PPP4R3A: variants seen among roughly 807,000 people sequenced by gnomAD.
PPP4R3A encodes the protein protein phosphatase 4 regulatory subunit 3A.
Under a neutral mutation model 91.7 loss-of-function variants are expected in PPP4R3A, and 15 were observed. That is an observed-to-expected ratio of 0.16 (90% CI 0.11 to 0.25). The LOEUF (loss-of-function observed/expected upper bound fraction) is 0.25. Ranked by LOEUF, PPP4R3A falls within the 10% of genes least tolerant of loss-of-function variation. The pLI, the probability that PPP4R3A is intolerant of heterozygous loss-of-function variation, is 1.00. For missense variants in PPP4R3A, 623 were observed against 998.4 expected (o/e 0.62, Z 5.07); for synonymous variants, 377 against 348.7 (o/e 1.08, Z -0.91).
intron 1 of PPP4R3A, among the ~76,000 whole-genome samples, chr14:91,507,562 CTAT>C (rs1566660945): frequency 2.6e-4 from 14 of 54,714 alleles, no homozygotes; most frequent in African/African-American, 5.8e-4. Flanking sequence ...GTTATATATA[CTAT>C]ATATTATACA....
At chr14:91,470,793 C>T (rs747798196) in intron 10 of PPP4R3A, 44 bp downstream of exon 10, 2 of 1,581,292 alleles carry the variant, frequency 1.3e-6, no homozygotes, top group Non-Finnish European at 1.7e-6. Flanking sequence ...TAAAAAATAC[C>T]AACATGTCAA....
At position 91,458,578 on chromosome 14, in the gene PPP4R3A, T is replaced by C; in HGVS notation, c.*181A>G. 1 of 852,848 alleles carries C rather than the reference T, an allele frequency of 1.2e-6. No homozygotes were observed. The highest frequency in any genetic ancestry group is 2.0e-6 in the Non-Finnish European group (1 of 507,330). The allele number at this position is 852,848 out of a possible 1,614,324, so 52.8% of individuals were successfully genotyped here. On this transcript the variant is annotated 3_prime_UTR_variant, in exon 15 of 15. Transcript: ENST00000554943. Reference sequence around the variant, plus strand: ...AAGGCTTAAGTCTTTCCCCTAAATATATGATATCCCCTCCTCCTGCTCCAT... The same window carrying C: ...AAGGCTTAAGTCTTTCCCCTAAATACATGATATCCCCTCCTCCTGCTCCAT...
intron 4 of PPP4R3A, among the ~76,000 whole-genome samples, chr14:91,480,835 A>C (rs1889511197): frequency 6.6e-6 from 1 of 152,188 alleles, no homozygotes; most frequent in Non-Finnish European, 1.5e-5. Context: ...CAGGAGTTTG[A>C]GACCAGCCTG....
At position 91,494,669 on chromosome 14, in the gene PPP4R3A, C is replaced by A; in HGVS notation, c.143-3867G>T. On this transcript the variant is annotated intron_variant, in intron 1 of 14. Coordinates refer to ENST00000554943, the MANE Select transcript of PPP4R3A (RefSeq NM_001366432.2). ...CTTGAGGTCAGGAGTTCGAGACCAG[C>A]CTGGCCAAAATGGTGAAACCCCATC... 1.3e-5 allele frequency among the ~76,000 whole-genome samples: 2 copies of A among 152,128 alleles called. 1 individual carries two copies. Among genetic ancestry groups the A allele is most frequent in the East Asian group, 3.9e-4 (2 of 5,192 alleles).
At chr14:91,497,037 A>T (rs1247541752) in intron 1 of PPP4R3A, among the ~76,000 whole-genome samples, 3 of 152,152 alleles carry the variant, frequency 2.0e-5, no homozygotes, top group African/African-American at 7.2e-5. Flanking sequence ...TATCCTACTA[A>T]GGTATGGGTA....
At chr14:91,459,529 A>G (rs1887991399) in intron 14 of PPP4R3A, among the ~76,000 whole-genome samples, 1 of 152,216 alleles carries the variant, frequency 6.6e-6, no homozygotes, top group African/African-American at 2.4e-5. Flanking sequence ...TAAAGTCTAA[A>G]ATAGTATAAA....
In PPP4R3A at chr14:91,484,660, G is replaced by A. The variant is rs1313772902; in HGVS notation, c.297+972C>T. ...GACCCTACTTGCAGTTTTTGATCCAGTAGGTCTGGGGTCGGCGGGAGGGGT... is the reference window on the plus strand; with the variant it reads ...GACCCTACTTGCAGTTTTTGATCCAATAGGTCTGGGGTCGGCGGGAGGGGT... On this transcript the variant is annotated intron_variant, in intron 3 of 14. Transcript: ENST00000554943. Among the ~76,000 whole-genome samples, 7 of 152,186 alleles carry A rather than the reference G, an allele frequency of 4.6e-5. No homozygotes were observed. The East Asian group carries it at 1.3e-3, about 29-fold the overall frequency.
chr14:91,464,907 T>C (rs530121351), intron 11 of PPP4R3A, among the ~76,000 whole-genome samples: 1 of 152,332 alleles, frequency 6.6e-6, no homozygotes, highest in Non-Finnish European at 1.5e-5. Flanking sequence ...AAAGGGTTCA[T>C]GCTCCTAGGA....
intron 1 of PPP4R3A, among the ~76,000 whole-genome samples, chr14:91,501,199 G>A (rs1890926086): frequency 6.6e-6 from 1 of 152,162 alleles, no homozygotes; most frequent in Non-Finnish European, 1.5e-5. Context: ...CAACCAACTA[G>A]ACTCAGGTAG....
rs1566660183 is a variant in PPP4R3A, at chr14:91,507,382, CTA to C, written c.142+2122_142+2123del. The stretch of plus-strand genomic sequence containing the variant: ...AGTATATATACTATAATTATATATA[CTA>C]TATAGTATATGTACTATAATTATAT... On this transcript the variant is annotated intron_variant, in intron 1 of 14. Transcript: ENST00000554943. Among the ~76,000 whole-genome samples the C allele has an allele frequency of 4.2e-4, 25 of 59,058 alleles. 1 individual carries two copies. The highest frequency in any genetic ancestry group is 3.7e-3 in the East Asian group (9 of 2,404). 38.7% of individuals were successfully genotyped at this position (59,058 alleles called of 152,430 possible). A position where few individuals can be genotyped will look rare whatever the true frequency, so the allele number is the denominator to read the frequency against.
At position 91,461,506 on chromosome 14, in the gene PPP4R3A, G is replaced by A; in HGVS notation, c.2266C>T (p.Leu756Phe). The A allele has an allele frequency of 6.2e-7, 1 of 1,614,172 alleles. No homozygotes were observed. The highest frequency in any genetic ancestry group is 1.7e-5 in the Admixed American group (1 of 60,022). The change falls in exon 14 of 15, where the codon CTC becomes TTC. Residue 756 changes from leucine to phenylalanine, a missense_variant. Leu to Phe is a conservative substitution (Grantham distance 22). Coordinates refer to ENST00000554943, the MANE Select transcript of PPP4R3A (RefSeq NM_001366432.2). ...TTTGTTGTAGATGACTGGCTGGTGA[G>A]GTTAGTCTTCGTTCCACTGGACAGG... ...LSLSSGTKTNLTSQSSTTNLP... is the reference protein window; with the variant it reads ...LSLSSGTKTNFTSQSSTTNLP...
intron 1 of PPP4R3A, among the ~76,000 whole-genome samples, chr14:91,507,373 T>G (rs897834552): frequency 0.23 from 15,938 of 68,078 alleles, 3,472 homozygotes; most frequent in Non-Finnish European, 0.27. Flanking sequence ...TATACTATAA[T>G]TATATATACT....
chr14:91,499,820 CAAAAAAA>C (rs3993928), intron 1 of PPP4R3A, among the ~76,000 whole-genome samples: 2 of 120,442 alleles, frequency 1.7e-5, no homozygotes, highest in Admixed American at 8.8e-5. Context: ...GACTCCACCT[CAAAAAAA>C]AAAAAAAAAA....
In PPP4R3A at chr14:91,476,551, T is replaced by C. The variant is rs775074867; in HGVS notation, c.994-27A>G. The C allele has an allele frequency of 9.1e-6, 13 of 1,428,772 alleles. No homozygotes were observed. The Middle Eastern group carries it at 1.4e-3, about 159-fold the overall frequency. 88.5% of individuals were successfully genotyped at this position (1,428,772 alleles called of 1,614,324 possible). On this transcript the variant is annotated intron_variant, in intron 5 of 14. Transcript: ENST00000554943. The stretch of plus-strand genomic sequence containing the variant: ...TGAAATTAGAAAAAAGGATAAGTGA[T>C]ATAAAAAGTTTATTTTATTTATTTA...
chr14:91,482,136 C>T lies in PPP4R3A; in HGVS notation c.355G>A (p.Glu119Lys). Residue 119 changes from glutamate (E) to lysine (K), a missense_variant, in exon 4 of 15, where the codon GAG (glutamate) becomes AAG (lysine). Coordinates refer to ENST00000554943, the MANE Select transcript of PPP4R3A (RefSeq NM_001366432.2). ...ITQDLVDESE[E>K]ERFDDMSSPG... ...GATGACATATCATCAAAACGCTCCT[C>T]TTCAGATTCATCCACAAGGTCCTGA... The T allele has an allele frequency of 6.2e-7, 1 of 1,614,106 alleles. No individual in the cohort carries two copies. Among genetic ancestry groups the T allele is most frequent in the South Asian group, 1.1e-5 (1 of 91,088 alleles).
chr14:91,494,050 G>C (rs1890394034), intron 1 of PPP4R3A, among the ~76,000 whole-genome samples: 1 of 151,628 alleles, frequency 6.6e-6, no homozygotes, highest in African/African-American at 2.4e-5. Flanking sequence ...TCAGCAGTTC[G>C]AGACCAGCCT....
chr14:91,477,839 G>C (rs1317510904), intron 4 of PPP4R3A, among the ~76,000 whole-genome samples: 1 of 152,186 alleles, frequency 6.6e-6, no homozygotes, highest in Non-Finnish European at 1.5e-5. Flanking sequence ...AGCAGAGATG[G>C]GGTTTTGTCA....
intron 1 of PPP4R3A, among the ~76,000 whole-genome samples, chr14:91,505,625 T>G (rs1486907068): frequency 6.6e-6 from 1 of 152,186 alleles, no homozygotes; most frequent in Non-Finnish European, 1.5e-5. Context: ...AATCAAATAT[T>G]TATTTTGTTC....
chr14:91,459,007 C>T, intron 14 of PPP4R3A, 138 bp from the exon 15 acceptor site: 1 of 930,366 alleles, frequency 1.1e-6, no homozygotes, highest in Non-Finnish European at 1.6e-6. Flanking sequence ...CTGTGTTAAA[C>T]TTCAATTCAT....
Sources: allele counts gnomAD v4.1 joint callset (sites outside exome capture counted in the v4.1 genomes callset), GRCh38; gene constraint gnomAD v4.1.1; transcripts MANE v1.5; gene names NCBI Gene and HGNC (gene_info 2026-07-23, HGNC 2026-07-21).